Variants in CEP63 observed in about 807,000 individuals in gnomAD.
CEP63 encodes centrosomal protein 63.
Under a neutral mutation model 89.1 loss-of-function variants are expected in CEP63, and 84 were observed. The ratio of observed to expected loss-of-function variants is 0.94; its 90% confidence interval spans 0.79 to 1.13. The LOEUF is 1.13. Among genes scored for constraint, CEP63 ranks in the 50% most tolerant of loss-of-function variants. The probability of loss-of-function intolerance (pLI) is 0.00; values close to 1 mark genes in which losing one functional copy is unlikely to be tolerated. For synonymous variants in CEP63, 267 were observed against 272.5 expected, an observed-to-expected ratio of 0.98 and a Z score of 0.20; for missense variants, 838 against 813.3, an observed-to-expected ratio of 1.03 and a Z score of -0.37.
At position 134,561,769 on chromosome 3, in the gene CEP63, T is replaced by A. The variant is rs1957370258; in HGVS notation, c.*234T>A. 8 of 1,329,900 alleles carry A rather than the reference T, an allele frequency of 6.0e-6. No individual in the cohort carries two copies. Among genetic ancestry groups the A allele is most frequent in the South Asian group, 5.0e-5 (3 of 60,110 alleles). The allele number at this position is 1,329,900 out of a possible 1,614,324, so 82.4% of individuals were successfully genotyped here. The stretch of plus-strand genomic sequence containing the variant: ...GAAAGAATAAACCACTTTGCTAGAC[T>A]TTTTTCTCATACGAATATTTATTAT... On this transcript the variant is annotated 3_prime_UTR_variant, in exon 15 of 15. Coordinates refer to ENST00000675561, the MANE Select transcript of CEP63 (RefSeq NM_001353108.3).
the CEP63 span, among the ~76,000 whole-genome samples, chr3:134,692,168 G>A: frequency 6.6e-6 from 1 of 151,882 alleles, no homozygotes; most frequent in Non-Finnish European, 1.5e-5. Context: ...GTGCAGGTTT[G>A]TTACATATGT....
the CEP63 span, among the ~76,000 whole-genome samples, chr3:134,725,138 A>T: frequency 6.6e-6 from 1 of 152,316 alleles, no homozygotes; most frequent in Non-Finnish European, 1.5e-5. Flanking sequence ...AAATTTTTTT[A>T]AAATATATAA....
chr3:134,580,472 A>G (rs533091268), intron 10 of CEP63, among the ~76,000 whole-genome samples: 1 of 140,964 alleles, frequency 7.1e-6, no homozygotes, highest in African/African-American at 2.6e-5. Flanking sequence ...GTTTAAAAAC[A>G]AACACACAGA....
chr3:134,677,165 A>G, the CEP63 span, among the ~76,000 whole-genome samples: 121 of 152,216 alleles, frequency 7.9e-4, 1 homozygote, highest in Middle Eastern at 0.017. Flanking sequence ...TGAACCCGGC[A>G]GGAGAATTGC....
intron 2 of CEP63, among the ~76,000 whole-genome samples, chr3:134,506,607 C>T (rs1357488758): frequency 6.6e-5 from 10 of 152,114 alleles, no homozygotes; most frequent in Admixed American, 6.5e-4. Flanking sequence ...AAGTAATCAT[C>T]TTAATATGAG....
the CEP63 span, among the ~76,000 whole-genome samples, chr3:134,727,034 G>A: frequency 2.0e-5 from 3 of 151,976 alleles, no homozygotes; most frequent in Admixed American, 1.3e-4. Flanking sequence ...TCTTCATGCT[G>A]CCCTCCCATA....
the CEP63 span, among the ~76,000 whole-genome samples, chr3:134,760,418 C>T: frequency 6.6e-6 from 1 of 152,148 alleles, no homozygotes; most frequent in African/African-American, 2.4e-5. Flanking sequence ...GGACCTTTAT[C>T]TCCATTCTTC....
At chr3:134,701,131 A>G in the CEP63 span, among the ~76,000 whole-genome samples, 1 of 151,506 alleles carries the variant, frequency 6.6e-6, no homozygotes, top group Non-Finnish European at 1.5e-5. Context: ...TGCTTGGCAT[A>G]CAGTGCCCCA....
chr3:134,661,692 G>C, the CEP63 span, among the ~76,000 whole-genome samples: 26 of 151,976 alleles, frequency 1.7e-4, no homozygotes, highest in Non-Finnish European at 3.4e-4. Context: ...AGAGGATAAA[G>C]GGGAAAAAGG....
At chr3:134,678,070 G>A in the CEP63 span, among the ~76,000 whole-genome samples, 1 of 152,034 alleles carries the variant, frequency 6.6e-6, no homozygotes, top group Non-Finnish European at 1.5e-5. Context: ...GCCTTTGGCA[G>A]GGCACCTGGG....
the CEP63 span, among the ~76,000 whole-genome samples, chr3:134,744,370 A>G: frequency 3.9e-5 from 6 of 152,188 alleles, no homozygotes; most frequent in Non-Finnish European, 7.3e-5. Flanking sequence ...TTAGATTCTC[A>G]GAAGGATGTG....
At chr3:134,749,046 A>G in the CEP63 span, among the ~76,000 whole-genome samples, 1 of 152,202 alleles carries the variant, frequency 6.6e-6, no homozygotes, top group Non-Finnish European at 1.5e-5. Flanking sequence ...AGGAGGACTC[A>G]GGACTCAGAG....
intron 3 of CEP63, among the ~76,000 whole-genome samples, chr3:134,524,842 CT>C (rs1948292399): frequency 6.6e-6 from 1 of 152,038 alleles, no homozygotes; most frequent in Admixed American, 6.6e-5. Flanking sequence ...CTGAAGTTCT[CT>C]TTTTTTGTTG....
At chr3:134,665,754 T>C in the CEP63 span, among the ~76,000 whole-genome samples, 15 of 115,404 alleles carry the variant, frequency 1.3e-4, no homozygotes, top group African/African-American at 5.1e-4. Context: ...GACAGAGACA[T>C]TGAGAGACAG....
chr3:134,780,005 C>G, the CEP63 span: 1 of 152,274 alleles, frequency 6.6e-6, no homozygotes, highest in South Asian at 2.1e-4. Flanking sequence ...TACTCCTATC[C>G]AAAACCTTTG....
intron 2 of CEP63, among the ~76,000 whole-genome samples, chr3:134,499,301 A>C (rs1941225043): frequency 6.6e-6 from 1 of 152,098 alleles, no homozygotes; most frequent in South Asian, 2.1e-4. Flanking sequence ...ATTTGTTAGC[A>C]TATAGTTGTT....
At chr3:134,629,698 A>G in the CEP63 span, 24 of 1,582,496 alleles carry the variant, frequency 1.5e-5, no homozygotes, top group African/African-American at 2.8e-4. Flanking sequence ...TTGTGTCCCT[A>G]CAAAGGAAAA....
At chr3:134,507,317 CATTTTTATCTTGTCTTTTAT>C (rs1262761856) in intron 3 of CEP63, 31 bp downstream of exon 3, 1 of 1,526,502 alleles carries the variant, frequency 6.6e-7, no homozygotes, top group African/African-American at 1.4e-5. Context: ...TTCTTTTTGA[CATTTTTATCTTGTCTTTTAT>C]ATTAAATGTG....
At chr3:134,769,536 A>G in the CEP63 span, among the ~76,000 whole-genome samples, 2 of 152,252 alleles carry the variant, frequency 1.3e-5, no homozygotes, top group Non-Finnish European at 2.9e-5. Flanking sequence ...AAACAGTTCC[A>G]CAGGGACTCC....
Sources: gnomAD v4.1 joint callset for allele counts (sites outside exome capture counted in the v4.1 genomes callset) on GRCh38, gnomAD v4.1.1 for gene constraint, MANE v1.5 for transcripts, NCBI Gene and HGNC (gene_info 2026-07-23, HGNC 2026-07-21) for gene names.